Variants in NLRP11 observed in about 807,000 individuals in gnomAD.
NLRP11 encodes NLR family pyrin domain containing 11.
Under a neutral mutation model 79.3 loss-of-function variants are expected in NLRP11, and 53 were observed. That is an observed-to-expected ratio of 0.67 (90% CI 0.54 to 0.84). The LOEUF (loss-of-function observed/expected upper bound fraction) is 0.84. NLRP11 is among the 40% of genes least tolerant of loss of function. NLRP11 has a pLI of 0.00. For synonymous variants in NLRP11, 518 were observed against 462.6 expected (o/e 1.12, Z -1.54); for missense variants, 1,264 against 1,255.0 (o/e 1.01, Z -0.11).
chr19:55,833,824 T>A (rs1600211680), upstream of NLRP11, among the ~76,000 whole-genome samples: 1 of 120,880 alleles, frequency 8.3e-6, no homozygotes, highest in Non-Finnish European at 1.8e-5. Context: ...CAAATAATAG[T>A]GAAAAAAACA....
At chr19:55,816,372 G>A (rs1387002990) in intron 2 of NLRP11, among the ~76,000 whole-genome samples, 1 of 152,172 alleles carries the variant, frequency 6.6e-6, no homozygotes, top group Non-Finnish European at 1.5e-5. Context: ...GGAGTCCTCA[G>A]TTTAGCTCTA....
upstream of NLRP11, among the ~76,000 whole-genome samples, chr19:55,836,175 ATGT>A (rs771568504): frequency 4.6e-5 from 7 of 152,308 alleles, no homozygotes; most frequent in Admixed American, 6.5e-5. Flanking sequence ...CGGCAGAAAG[ATGT>A]TGTGCCACAC....
intron 7 of NLRP11, among the ~76,000 whole-genome samples, chr19:55,791,288 G>A (rs1404128838): frequency 6.6e-6 from 1 of 152,144 alleles, no homozygotes; most frequent in East Asian, 1.9e-4. Context: ...TGAAAAAAAG[G>A]GAGGGTGAGT....
At chr19:55,797,058 C>A (rs1978983375) in intron 5 of NLRP11, among the ~76,000 whole-genome samples, 1 of 152,178 alleles carries the variant, frequency 6.6e-6, no homozygotes, top group South Asian at 2.1e-4. Flanking sequence ...AGTCCACAAG[C>A]ATATTTTTGC....
chr19:55,812,870 C>G (rs1031332806), intron 2 of NLRP11, among the ~76,000 whole-genome samples: 2 of 152,150 alleles, frequency 1.3e-5, no homozygotes, highest in Non-Finnish European at 2.9e-5. Context: ...ACCACCACCA[C>G]CAGGCTGCAT....
chr19:55,814,096 A>G (rs1468349602), intron 2 of NLRP11, among the ~76,000 whole-genome samples: 1 of 152,036 alleles, frequency 6.6e-6, no homozygotes, highest in Non-Finnish European at 1.5e-5. Context: ...CATCGCTCAC[A>G]TTACCACCTG....
chr19:55,816,662 G>A (rs531060077), intron 2 of NLRP11, among the ~76,000 whole-genome samples: 3 of 152,154 alleles, frequency 2.0e-5, no homozygotes, highest in African/African-American at 4.8e-5. Flanking sequence ...TGGTAGGAGC[G>A]TACCCGGTTG....
chr19:55,788,850 G>C, exon 9 of NLRP11: 1 of 1,601,330 alleles, frequency 6.2e-7, no homozygotes, highest in Non-Finnish European at 8.5e-7. Context: ...AAGCTCTCAA[G>C]AAGTTTTGCA....
intron 2 of NLRP11, among the ~76,000 whole-genome samples, chr19:55,814,760 A>G (rs1980921321): frequency 6.6e-6 from 1 of 152,220 alleles, no homozygotes; most frequent in African/African-American, 2.4e-5. Flanking sequence ...GAGAGAACAG[A>G]GCAGCAACAC....
intron 4 of NLRP11, among the ~76,000 whole-genome samples, chr19:55,803,743 C>T (rs897222439): frequency 1.3e-5 from 2 of 152,096 alleles, no homozygotes; most frequent in African/African-American, 4.8e-5. Flanking sequence ...ATCAAAACCA[C>T]GAGATACCAT....
At chr19:55,836,382 G>A (rs1169756657), upstream of NLRP11, 3 of 152,102 alleles carry the variant, frequency 2.0e-5, no homozygotes, top group African/African-American at 2.4e-5. Flanking sequence ...AGGAGCAAAG[G>A]TCTAGAACAG....
intron 7 of NLRP11, among the ~76,000 whole-genome samples, chr19:55,790,720 A>C (rs1202148880): frequency 6.6e-6 from 1 of 152,230 alleles, no homozygotes. Flanking sequence ...CTAGCTACTC[A>C]GGAGGCTGAG....
intron 2 of NLRP11, among the ~76,000 whole-genome samples, chr19:55,813,433 A>G (rs753545073): frequency 2.0e-5 from 3 of 152,202 alleles, no homozygotes. Context: ...CCCATCAGGC[A>G]TCTACCAATT....
At chr19:55,803,646 AACAG>A (rs1184296860) in intron 4 of NLRP11, among the ~76,000 whole-genome samples, 1 of 152,344 alleles carries the variant, frequency 6.6e-6, no homozygotes, top group East Asian at 1.9e-4. Flanking sequence ...CAAAGGGTAT[AACAG>A]ACAGTTTTCA....
Position 55,808,020 on chromosome 19 carries a change from T to A in NLRP11, c.1842-6A>T, listed in dbSNP as rs199476239. The A allele has an allele frequency of 1.3e-6, 2 of 1,569,932 alleles. No individual in the cohort carries two copies. Among genetic ancestry groups the A allele is most frequent in the Non-Finnish European group, 1.7e-6 (2 of 1,159,868 alleles). On this transcript the variant is annotated splice_polypyrimidine_tract_variant and splice_region_variant and intron_variant, in intron 3 of 9. Coordinates refer to ENST00000589093, the Ensembl canonical transcript of NLRP11. ...AGACAAGGCTCTTCATTTGACTACA[T>A]AGAAGAAAAATTGAGTTTTCCAATG...
In NLRP11 at chr19:55,817,892, G is replaced by A; in HGVS notation, c.271+12C>T. ...CCTGATTTCTGCCCACCCTTCTCGT[G>A]ACCCCACTCACGGTTTCGTCTGCCA... On this transcript the variant is annotated intron_variant, in intron 2 of 9. Transcript: ENST00000589093. 6.3e-7 allele frequency: 1 copy of A among 1,587,304 alleles called. No individual in the cohort carries two copies. Among genetic ancestry groups the A allele is most frequent in the Non-Finnish European group, 8.6e-7 (1 of 1,163,060 alleles).
At chr19:55,806,128 A>C (rs939372930) in intron 4 of NLRP11, among the ~76,000 whole-genome samples, 1 of 151,690 alleles carries the variant, frequency 6.6e-6, no homozygotes. Flanking sequence ...CTCCCCAATC[A>C]CTTTATGTTG....
intron 1 of NLRP11, among the ~76,000 whole-genome samples, chr19:55,820,054 G>A (rs964302993): frequency 7.2e-5 from 11 of 152,140 alleles, no homozygotes; most frequent in Admixed American, 6.5e-4. Flanking sequence ...GAGTTTTGCA[G>A]CATTGCTATG....
At chr19:55,801,684 G>C (rs769380246) in exon 5 of NLRP11, 1 of 1,614,010 alleles carries the variant, frequency 6.2e-7, no homozygotes, top group Non-Finnish European at 8.5e-7. Flanking sequence ...CTCCGATTAC[G>C]AGCCAAAGCC....
Sources: allele counts gnomAD v4.1 joint callset (sites outside exome capture counted in the v4.1 genomes callset), GRCh38; gene constraint gnomAD v4.1.1; transcripts MANE v1.5; gene names NCBI Gene and HGNC (gene_info 2026-07-23, HGNC 2026-07-21).